The following UNC13B variants were observed in gnomAD, a reference collection of about 807,000 sequenced individuals.
The protein encoded by UNC13B is protein unc-13 homolog B.
UNC13B carries 144 observed loss-of-function variants against 211.0 expected under a neutral mutation model. That is an observed-to-expected ratio of 0.68 (90% CI 0.60 to 0.78). The LOEUF (loss-of-function observed/expected upper bound fraction) is 0.78, where lower values mean the gene tolerates loss of function less well. UNC13B is among the 30% of genes least tolerant of loss of function. The probability of loss-of-function intolerance (pLI) is 0.00; values close to 1 mark genes in which losing one functional copy is unlikely to be tolerated. For synonymous variants in UNC13B, 709 were observed against 725.8 expected (o/e 0.98, Z 0.37); for missense variants, 1,777 against 2,002.0 (o/e 0.89, Z 2.14).
At chr9:35,179,228 C>T (rs1821802833) in intron 1 of UNC13B, among the ~76,000 whole-genome samples, 1 of 152,108 alleles carries the variant, frequency 6.6e-6, no homozygotes, top group African/African-American at 2.4e-5. Context: ...GCATTGTTGG[C>T]TGTGAATCAG....
chr9:35,245,158 C>A (rs1378840224), intron 6 of UNC13B, among the ~76,000 whole-genome samples: 1 of 152,072 alleles, frequency 6.6e-6, no homozygotes, highest in African/African-American at 2.4e-5. Flanking sequence ...AGTAAAGAAG[C>A]ATGTTGTACT....
chr9:35,338,596 T>G (rs532020300), intron 11 of UNC13B, among the ~76,000 whole-genome samples: 1 of 152,324 alleles, frequency 6.6e-6, no homozygotes, highest in South Asian at 2.1e-4. Context: ...ATCTTCCTCA[T>G]GAAATAAATC....
chr9:35,199,015 C>T (rs893761594), intron 1 of UNC13B, among the ~76,000 whole-genome samples: 1 of 152,178 alleles, frequency 6.6e-6, no homozygotes, highest in African/African-American at 2.4e-5. Flanking sequence ...CCCCGCTCCC[C>T]CTACTGCACG....
chr9:35,315,965 G>A (rs570952255), intron 11 of UNC13B, among the ~76,000 whole-genome samples: 1 of 152,292 alleles, frequency 6.6e-6, no homozygotes, highest in Non-Finnish European at 1.5e-5. Context: ...ATGTCAACAT[G>A]TCCTACCATT....
At chr9:35,186,933 A>G (rs1822393741) in intron 1 of UNC13B, among the ~76,000 whole-genome samples, 1 of 152,042 alleles carries the variant, frequency 6.6e-6, no homozygotes, top group Non-Finnish European at 1.5e-5. Context: ...GGTGTGACAT[A>G]TTACCAAACC....
chr9:35,387,060 G>T (rs1158972205), intron 24 of UNC13B, among the ~76,000 whole-genome samples: 1 of 152,162 alleles, frequency 6.6e-6, no homozygotes, highest in African/African-American at 2.4e-5. Flanking sequence ...TCTGAGGAGA[G>T]CACAGTGCTC....
intron 7 of UNC13B, among the ~76,000 whole-genome samples, chr9:35,286,315 C>A (rs951025623): frequency 1.3e-5 from 2 of 151,056 alleles, no homozygotes; most frequent in Admixed American, 1.3e-4. Flanking sequence ...TCACTGCAAC[C>A]TCCACCTCCC....
intron 7 of UNC13B, among the ~76,000 whole-genome samples, chr9:35,290,585 G>A (rs970322342): frequency 6.6e-6 from 1 of 151,028 alleles, no homozygotes; most frequent in Non-Finnish European, 1.5e-5. Context: ...CCCAGACAAG[G>A]GAATTACTCC....
At chr9:35,357,637 C>T (rs1202151874) in intron 11 of UNC13B, among the ~76,000 whole-genome samples, 1 of 149,646 alleles carries the variant, frequency 6.7e-6, no homozygotes, top group African/African-American at 2.5e-5. Context: ...TCTGTAATCC[C>T]AGCACTTTGG....
At chr9:35,339,088 A>C (rs896784453) in intron 11 of UNC13B, among the ~76,000 whole-genome samples, 1 of 152,124 alleles carries the variant, frequency 6.6e-6, no homozygotes, top group Non-Finnish European at 1.5e-5. Context: ...TATCATGTTG[A>C]GTTTCCATCT....
chr9:35,204,518 T>C (rs1317248575), intron 1 of UNC13B, among the ~76,000 whole-genome samples: 1 of 152,134 alleles, frequency 6.6e-6, no homozygotes, highest in Non-Finnish European at 1.5e-5. Context: ...CCTGGAAAGA[T>C]TTGGAACTTT....
intron 1 of UNC13B, among the ~76,000 whole-genome samples, chr9:35,188,467 A>G (rs1413773908): frequency 6.6e-6 from 1 of 152,254 alleles, no homozygotes; most frequent in Non-Finnish European, 1.5e-5. Context: ...ATTTTGGAAC[A>G]TATATTAGTA....
intron 7 of UNC13B, among the ~76,000 whole-genome samples, chr9:35,291,748 G>A (rs1482945791): frequency 6.6e-6 from 1 of 152,144 alleles, no homozygotes; most frequent in Non-Finnish European, 1.5e-5. Flanking sequence ...GACATTACTG[G>A]TTGTGTTACC....
intron 1 of UNC13B, among the ~76,000 whole-genome samples, chr9:35,191,685 C>T (rs1376337024): frequency 6.6e-6 from 1 of 152,200 alleles, no homozygotes; most frequent in African/African-American, 2.4e-5. Context: ...TTGGCCCTTC[C>T]CCGGGAACTA....
rs577337762 is a variant in UNC13B, at chr9:35,347,340, A to G, written c.9415-19607A>G. Among the ~76,000 whole-genome samples the G allele has an allele frequency of 2.6e-5, 4 of 152,346 alleles. No homozygotes were observed. The East Asian group carries it at 7.7e-4, about 29-fold the overall frequency. ...TGGCACACACAGTAAGTACTCATGC[A>G]GTTCAACTGACTTGGAGATCAAATG... On this transcript the variant is annotated intron_variant, in intron 11 of 39. Coordinates refer to ENST00000635942, the MANE Select transcript of UNC13B (RefSeq NM_001371189.2).
intron 11 of UNC13B, among the ~76,000 whole-genome samples, chr9:35,333,291 C>A (rs1455187909): frequency 6.6e-6 from 1 of 152,054 alleles, no homozygotes; most frequent in Non-Finnish European, 1.5e-5. Flanking sequence ...AGTTTATCCT[C>A]AAAAAAATTA....
chr9:35,402,060 T>G, intron 37 of UNC13B: 2 of 1,523,886 alleles, frequency 1.3e-6, no homozygotes, highest in Non-Finnish European at 8.9e-7. Flanking sequence ...CACTGACCCC[T>G]GGGAGCTAGA....
intron 11 of UNC13B, chr9:35,353,824 CTA>C: frequency 8.2e-7 from 1 of 1,226,250 alleles, no homozygotes; most frequent in Non-Finnish European, 1.0e-6. Context: ...TTCTGAGTCA[CTA>C]TTTAACAGGG....
At chr9:35,221,343 T>C (rs1824554133) in intron 1 of UNC13B, among the ~76,000 whole-genome samples, 1 of 152,214 alleles carries the variant, frequency 6.6e-6, no homozygotes, top group South Asian at 2.1e-4. Flanking sequence ...GTGCTGGGAT[T>C]ACATGCGTGA....
Sources: allele counts gnomAD v4.1 joint callset (sites outside exome capture counted in the v4.1 genomes callset), GRCh38; gene constraint gnomAD v4.1.1; transcripts MANE v1.5; gene names NCBI Gene and HGNC (gene_info 2026-07-23, HGNC 2026-07-21).